Variants in EPHA7 observed in about 807,000 individuals in gnomAD.
EPHA7 encodes the protein EPH receptor A7.
Under a neutral mutation model 112.6 loss-of-function variants are expected in EPHA7, and 25 were observed. The ratio of observed to expected loss-of-function variants is 0.22; its 90% CI spans 0.16 to 0.31. The LOEUF is 0.31. Ranked by LOEUF, EPHA7 falls within the 10% of genes least tolerant of loss-of-function variation. The probability of loss-of-function intolerance (pLI) is 1.00; values close to 1 mark genes in which losing one functional copy is unlikely to be tolerated. For synonymous variants in EPHA7, 437 were observed against 406.5 expected (o/e 1.07, Z -0.90); for missense variants, 962 against 1,212.6 (o/e 0.79, Z 3.07).
chr6:93,367,193 TGTC>T (rs1326172942), intron 3 of EPHA7, among the ~76,000 whole-genome samples: 1 of 152,166 alleles, frequency 6.6e-6, no homozygotes, highest in Non-Finnish European at 1.5e-5. Context: ...TTTGAGGACA[TGTC>T]TTTATGAACA....
intron 5 of EPHA7, among the ~76,000 whole-genome samples, chr6:93,294,968 T>TA (rs1034036143): frequency 2.6e-5 from 4 of 151,998 alleles, no homozygotes; most frequent in Non-Finnish European, 4.4e-5. Context: ...TGACTTTTTC[T>TA]AAGAAAAATT....
chr6:93,378,032 A>C (rs578023048), intron 3 of EPHA7, among the ~76,000 whole-genome samples: 1 of 92,298 alleles, frequency 1.1e-5, no homozygotes, highest in Non-Finnish European at 2.1e-5. Context: ...TTATGAAAGG[A>C]GATCACTGTA....
chr6:93,339,981 A>G (rs1234269993), intron 5 of EPHA7, among the ~76,000 whole-genome samples: 1 of 151,738 alleles, frequency 6.6e-6, no homozygotes, highest in Non-Finnish European at 1.5e-5. Context: ...TACAGGGAAC[A>G]ATAACAATTA....
At chr6:93,381,558 T>G (rs1487164381) in intron 3 of EPHA7, among the ~76,000 whole-genome samples, 2 of 152,162 alleles carry the variant, frequency 1.3e-5, no homozygotes, top group Non-Finnish European at 2.9e-5. Flanking sequence ...ATCTATTAAT[T>G]ATAACAAATG....
intron 14 of EPHA7, 93 bp from the exon 15 acceptor site, chr6:93,247,078 A>C: frequency 1.8e-6 from 2 of 1,127,604 alleles, no homozygotes; most frequent in Non-Finnish European, 2.4e-6. Context: ...TATCCAGAGA[A>C]GAATGAGGCA....
chr6:93,286,893 C>T (rs921904419), intron 5 of EPHA7, among the ~76,000 whole-genome samples: 4 of 152,040 alleles, frequency 2.6e-5, no homozygotes, highest in African/African-American at 4.8e-5. Context: ...TTTCCAGTGA[C>T]AGAAGTCATT....
At chr6:93,252,083 G>A (rs1052794893) in intron 14 of EPHA7, among the ~76,000 whole-genome samples, 38 of 151,850 alleles carry the variant, frequency 2.5e-4, no homozygotes, top group African/African-American at 8.2e-4. Context: ...CTTGTCCAGA[G>A]TTACACAAAC....
chr6:93,292,243 C>G (rs960153425), intron 5 of EPHA7, among the ~76,000 whole-genome samples: 4 of 152,118 alleles, frequency 2.6e-5, no homozygotes, highest in Admixed American at 6.6e-5. Context: ...CAACTTATTA[C>G]TTTTATTTTT....
chr6:93,245,549 T>G, intron 15 of EPHA7, 96 bp from the exon 16 acceptor site: 1 of 1,273,872 alleles, frequency 7.9e-7, no homozygotes, highest in Non-Finnish European at 1.1e-6. Context: ...AGAACAAAAT[T>G]AGATGTTTTA....
intron 14 of EPHA7, 129 bp downstream of exon 14, chr6:93,254,518 A>T (rs1365597822): frequency 5.3e-6 from 3 of 570,370 alleles, no homozygotes; most frequent in East Asian, 6.3e-5. Context: ...TTAGTGTGGT[A>T]GTAATTGTGG....
intron 14 of EPHA7, among the ~76,000 whole-genome samples, chr6:93,250,067 C>T (rs1770136588): frequency 6.6e-6 from 1 of 152,154 alleles, no homozygotes; most frequent in Admixed American, 6.5e-5. Context: ...ATGTTTTATA[C>T]ATTTTTAAAG....
At chr6:93,396,517 T>C (rs189906287) in intron 3 of EPHA7, among the ~76,000 whole-genome samples, 2 of 152,056 alleles carry the variant, frequency 1.3e-5, no homozygotes, top group African/African-American at 4.8e-5. Context: ...GACTGTGAGC[T>C]CTTTTAATAT....
At chr6:93,284,276 T>A (rs1285557053) in intron 5 of EPHA7, among the ~76,000 whole-genome samples, 1 of 152,184 alleles carries the variant, frequency 6.6e-6, no homozygotes, top group Admixed American at 6.5e-5. Flanking sequence ...TTTAACAATG[T>A]TAGTTTTTGC....
chr6:93,351,006 T>G (rs1266182742), intron 5 of EPHA7, among the ~76,000 whole-genome samples: 3 of 152,048 alleles, frequency 2.0e-5, no homozygotes, highest in Non-Finnish European at 2.9e-5. Flanking sequence ...TTTGCATAAT[T>G]TAACCCTCTA....
intron 3 of EPHA7, among the ~76,000 whole-genome samples, chr6:93,380,609 G>A (rs1316979325): frequency 2.0e-5 from 3 of 152,074 alleles, no homozygotes; most frequent in Admixed American, 6.6e-5. Context: ...CAGGTACTGT[G>A]AAATTCAAGG....
intron 5 of EPHA7, among the ~76,000 whole-genome samples, chr6:93,324,976 C>T (rs1325240397): frequency 2.0e-5 from 3 of 151,138 alleles, no homozygotes; most frequent in Non-Finnish European, 4.4e-5. Flanking sequence ...TAATAACAAT[C>T]CTGAAAAAAG....
chr6:93,303,437 A>G (rs1773094539), intron 5 of EPHA7, among the ~76,000 whole-genome samples: 1 of 152,130 alleles, frequency 6.6e-6, no homozygotes, highest in African/African-American at 2.4e-5. Flanking sequence ...AATAAGGCAA[A>G]TAAATAAAAT....
At position 93,375,572 on chromosome 6, in the gene EPHA7, G is replaced by A. The variant is rs114906008; in HGVS notation, c.833-17161C>T. ...CACAGAAGTTACAGTGAGCCTAGCA[G>A]AGAGACCTTGACTCAAAAAACAAAC... On this transcript the variant is annotated intron_variant, in intron 3 of 16. Transcript: ENST00000369303. Among the ~76,000 whole-genome samples, 862 of 150,520 alleles carry A rather than the reference G, an allele frequency of 5.7e-3. 11 individuals are homozygous for A. The highest frequency in any genetic ancestry group is 0.02 in the African/African-American group (802 of 41,028).
chr6:93,302,334 C>A (rs1287850631), intron 5 of EPHA7, among the ~76,000 whole-genome samples: 1 of 152,116 alleles, frequency 6.6e-6, no homozygotes, highest in Non-Finnish European at 1.5e-5. Flanking sequence ...GTAAATAATT[C>A]TTACTGAACT....
Sources: allele counts gnomAD v4.1 joint callset (sites outside exome capture counted in the v4.1 genomes callset), GRCh38; gene constraint gnomAD v4.1.1; transcripts MANE v1.5; gene names NCBI Gene and HGNC (gene_info 2026-07-23, HGNC 2026-07-21).